The following DNMT1 variants were observed in gnomAD, a reference collection of about 807,000 sequenced individuals.
DNMT1 encodes the protein DNA methyltransferase 1.
In DNMT1, 24 loss-of-function variants were observed where a neutral mutation model predicts 205.3. The observed-to-expected ratio is 0.12, with a 90% CI of 0.08 to 0.16. The LOEUF is 0.16. DNMT1 is among the 10% of genes least tolerant of loss of function. The probability of loss-of-function intolerance (pLI) is 1.00; values close to 1 mark genes in which losing one functional copy is unlikely to be tolerated. For synonymous variants in DNMT1, 817 were observed against 839.8 expected, an observed-to-expected ratio of 0.97 and a Z score of 0.47; for missense variants, 1,293 against 2,177.7, an observed-to-expected ratio of 0.59 and a Z score of 8.09.
intron 1 of DNMT1, among the ~76,000 whole-genome samples, chr19:10,193,765 C>T (rs1568264919): frequency 6.6e-6 from 1 of 151,920 alleles, no homozygotes; most frequent in Non-Finnish European, 1.5e-5. Flanking sequence ...CCAACCAGGT[C>T]AGTTAACAAG....
intron 9 of DNMT1, among the ~76,000 whole-genome samples, chr19:10,171,437 G>A (rs2038812742): frequency 6.6e-6 from 1 of 151,982 alleles, no homozygotes; most frequent in Admixed American, 6.6e-5. Flanking sequence ...TTTGATGGCT[G>A]AGGCAGGTGG....
rs1189323226 is a variant in DNMT1, at chr19:10,175,133, ATAT to A, written c.648+404_648+406del. 4.7e-4 allele frequency among the ~76,000 whole-genome samples: 70 copies of A among 149,568 alleles called. 1 individual carries two copies. Among genetic ancestry groups the A allele is most frequent in the African/African-American group, 1.7e-3 (68 of 40,526 alleles). On this transcript the variant is annotated intron_variant, in intron 7 of 40. Coordinates refer to ENST00000359526, the MANE Select transcript of DNMT1 (RefSeq NM_001130823.3). ...CACACACACACACACACACACATAT[ATAT>A]AACATGTATGTATGTAAGACTGCCT...
At chr19:10,148,555 C>T (rs2038257500) in intron 27 of DNMT1, among the ~76,000 whole-genome samples, 1 of 149,394 alleles carries the variant, frequency 6.7e-6, no homozygotes, top group South Asian at 2.1e-4. Context: ...GTCTCATTTA[C>T]AGGAGAAAAT....
chr19:10,134,115 C>T (rs908690056), intron 40 of DNMT1, 102 bp downstream of exon 40: 28 of 1,286,636 alleles, frequency 2.2e-5, no homozygotes, highest in African/African-American at 2.9e-5. Flanking sequence ...GTAGGTGACC[C>T]GCCTGAGTCC....
chr19:10,162,783 T>A, intron 12 of DNMT1, 35 bp from the exon 13 acceptor site: 1 of 1,608,124 alleles, frequency 6.2e-7, no homozygotes. Flanking sequence ...AAGTAGCAGC[T>A]TAGAAACACT....
At position 10,138,121 on chromosome 19, in the gene DNMT1, T is replaced by G. The variant is rs552378111; in HGVS notation, c.4116-112A>C. ...TGGCCTTCTCCCGAGATCACAGCAC[T>G]GCCCGAGGTCACATGGGTGGCAGTG... On this transcript the variant is annotated intron_variant, in intron 35 of 40. Coordinates refer to ENST00000359526, the MANE Select transcript of DNMT1 (RefSeq NM_001130823.3). This position sits in a 1 kb window ranked among gnomAD's most constrained non-coding sequence, Gnocchi z 4.1. 18 of 1,333,570 alleles carry G rather than the reference T, an allele frequency of 1.3e-5. No homozygotes were observed. In the Admixed American group the frequency reaches 2.8e-4, roughly 20 times the overall value. The allele number at this position is 1,333,570 out of a possible 1,614,324, so 82.6% of individuals were successfully genotyped here. A position where few individuals can be genotyped will look rare whatever the true frequency, so the allele number is the denominator to read the frequency against.
At chr19:10,175,677 C>T in intron 6 of DNMT1, 59 bp from the exon 7 acceptor site, 2 of 1,518,684 alleles carry the variant, frequency 1.3e-6, no homozygotes, top group East Asian at 4.5e-5. Context: ...TCCAGCTGGC[C>T]TGAAGTGGAC....
At chr19:10,180,914 C>T (rs1381527014) in intron 2 of DNMT1, 29 bp from the exon 3 acceptor site, 5 of 1,580,300 alleles carry the variant, frequency 3.2e-6, no homozygotes, top group Non-Finnish European at 3.5e-6. Context: ...TTTAGCAGTA[C>T]CCACATTCCC....
chr19:10,194,761 C>A, intron 1 of DNMT1, 59 bp downstream of exon 1: 2 of 1,530,168 alleles, frequency 1.3e-6, no homozygotes, highest in South Asian at 1.2e-5. Context: ...GGGGAAGCGA[C>A]CCCCCACCCA....
In DNMT1 at chr19:10,141,112, C is replaced by T; in HGVS notation, c.3387G>A (p.Lys1129=). Residue 1129 remains lysine (K), a synonymous_variant, in exon 31 of 41, where the codon AAG becomes AAA. Transcript: ENST00000359526. The part of the protein sequence containing the change: ...ARSPGNKGKG[K]GKGKGKPKSQ... Reference sequence around the variant, plus strand: ...ACTCATACAATGACGTACCTTTTCCCTTGCCCTTCCCTTTGTTTCCAGGGC... The same window carrying T: ...ACTCATACAATGACGTACCTTTTCCTTTGCCCTTCCCTTTGTTTCCAGGGC... The T allele has an allele frequency of 1.9e-6, 3 of 1,614,032 alleles. No homozygotes were observed. The highest frequency in any genetic ancestry group is 2.5e-6 in the Non-Finnish European group (3 of 1,180,018).
At chr19:10,160,527 A>G in intron 13 of DNMT1, 109 bp from the exon 14 acceptor site, 1 of 1,223,432 alleles carries the variant, frequency 8.2e-7, no homozygotes, top group Non-Finnish European at 1.2e-6. Flanking sequence ...AACAGAGAGA[A>G]GGGGAGGGAG....
At position 10,183,104 on chromosome 19, in the gene DNMT1, T is replaced by C. The variant is rs1179850302; in HGVS notation, c.81-1027A>G. 1.7e-4 allele frequency among the ~76,000 whole-genome samples: 24 copies of C among 142,658 alleles called. No homozygotes were observed. The East Asian group carries it at 4.5e-3, about 27-fold the overall frequency. 93.6% of individuals were successfully genotyped at this position (142,658 alleles called of 152,430 possible). A position where few individuals can be genotyped will look rare whatever the true frequency, so the allele number is the denominator to read the frequency against. ...GTGTATATATATATACACGTATATATACGTGTGTATATATATATATATTTT... is the reference window on the plus strand; with the variant it reads ...GTGTATATATATATACACGTATATACACGTGTGTATATATATATATATTTT... On this transcript the variant is annotated intron_variant, in intron 1 of 40. Coordinates refer to ENST00000359526, the MANE Select transcript of DNMT1 (RefSeq NM_001130823.3).
intron 1 of DNMT1, chr19:10,194,593 C>T: frequency 1.9e-6 from 1 of 521,976 alleles, no homozygotes; most frequent in South Asian, 2.9e-5. Flanking sequence ...TTTCTAGCCA[C>T]CAGGGAGCTA....
At chr19:10,194,738 C>T in intron 1 of DNMT1, 82 bp downstream of exon 1, 1 of 1,493,166 alleles carries the variant, frequency 6.7e-7, no homozygotes, top group Non-Finnish European at 9.0e-7. Flanking sequence ...GCAGCGGCCA[C>T]CGGCCACCCC....
chr19:10,165,024 G>A (rs753523611), intron 11 of DNMT1, among the ~76,000 whole-genome samples: 4 of 149,278 alleles, frequency 2.7e-5, no homozygotes, highest in Non-Finnish European at 4.4e-5. Context: ...CACTTTGGGG[G>A]ACTGAGATAG....
At chr19:10,192,521 G>A (rs1475505000) in intron 1 of DNMT1, among the ~76,000 whole-genome samples, 2 of 152,026 alleles carry the variant, frequency 1.3e-5, no homozygotes, top group African/African-American at 4.8e-5. Flanking sequence ...CAACACTTTG[G>A]GAAGCTGAGG....
chr19:10,186,428 C>T (rs749973343), intron 1 of DNMT1, among the ~76,000 whole-genome samples: 6 of 152,032 alleles, frequency 3.9e-5, no homozygotes, highest in Non-Finnish European at 8.8e-5. Flanking sequence ...CGCAGACAGC[C>T]GTGAAGGACG....
intron 34 of DNMT1, among the ~76,000 whole-genome samples, chr19:10,139,365 A>G (rs2089556602): frequency 6.6e-6 from 1 of 152,178 alleles, no homozygotes; most frequent in East Asian, 1.9e-4. Flanking sequence ...ACAGTGCTCC[A>G]TGGTGGGCTG....
Position 10,146,605 on chromosome 19 carries a change from G to A in DNMT1, c.2721-81C>T. ...CAGCAGCTACTGCCAGCTTAATCCA[G>A]AGACTCTGGTAACCAAGAGGAAAAA... is the stretch of plus-strand genomic sequence containing the variant. On this transcript the variant is annotated intron_variant, in intron 27 of 40. Coordinates refer to ENST00000359526, the MANE Select transcript of DNMT1 (RefSeq NM_001130823.3). This position sits in a 1 kb window ranked among gnomAD's most constrained non-coding sequence, Gnocchi z 4.4. 6.4e-7 allele frequency: 1 copy of A among 1,571,902 alleles called. No homozygotes were observed. Among genetic ancestry groups the A allele is most frequent in the Non-Finnish European group, 8.7e-7 (1 of 1,150,650 alleles).
Sources: allele counts gnomAD v4.1 joint callset (sites outside exome capture counted in the v4.1 genomes callset), GRCh38; gene constraint gnomAD v4.1.1; non-coding constraint Gnocchi (gnomAD v3.1); transcripts MANE v1.5; gene names NCBI Gene and HGNC (gene_info 2026-07-23, HGNC 2026-07-21).